The following CDIP1 variants were observed in gnomAD, a reference collection of about 807,000 sequenced individuals.
CDIP1 encodes the protein cell death inducing p53 target 1.
CDIP1 carries 9 observed loss-of-function variants against 17.7 expected under a neutral mutation model. That is an observed-to-expected ratio of 0.51 (90% confidence interval 0.31 to 0.89). The LOEUF is 0.89. Ranked by LOEUF, CDIP1 falls within the 40% of genes least tolerant of loss-of-function variation. The pLI, the probability that CDIP1 is intolerant of heterozygous loss-of-function variation, is 0.05. For synonymous variants in CDIP1, 117 were observed against 109.5 expected (o/e 1.07, Z -0.43); for missense variants, 263 against 277.9 (o/e 0.95, Z 0.38).
At chr16:4,528,491 A>G (rs1027096708) in intron 1 of CDIP1, among the ~76,000 whole-genome samples, 3 of 152,118 alleles carry the variant, frequency 2.0e-5, no homozygotes, top group Non-Finnish European at 4.4e-5. Flanking sequence ...TTTTAATGGT[A>G]GGCAGCACCT....
chr16:4,535,797 G>C (rs916010320), intron 1 of CDIP1, among the ~76,000 whole-genome samples: 2 of 152,254 alleles, frequency 1.3e-5, no homozygotes, highest in African/African-American at 4.8e-5. Flanking sequence ...GGGAGGTTCT[G>C]GCCCAGGCCC....
intron 1 of CDIP1, among the ~76,000 whole-genome samples, chr16:4,526,926 T>C (rs997072508): frequency 1.3e-5 from 2 of 151,848 alleles, no homozygotes; most frequent in African/African-American, 4.8e-5. Context: ...CACCTGACTC[T>C]CCAGTCTCAG....
rs577505994 is a variant in CDIP1 at position 4,510,694 on chromosome 16, A to G, written c.*1878T>C. 3 of 152,280 alleles carry G rather than the reference A, an allele frequency of 2.0e-5. No individual in the cohort carries two copies. Among genetic ancestry groups the G allele is most frequent in the South Asian group, 4.1e-4 (2 of 4,830 alleles). 9.4% of individuals were successfully genotyped at this position (152,280 alleles called of 1,614,324 possible). A position where few individuals can be genotyped will look rare whatever the true frequency, so the allele number is the denominator to read the frequency against. The stretch of plus-strand genomic sequence containing the variant: ...TTTGTATTTAAACAATTCATTCTCT[A>G]AAAGAGAAACATGAACTTAAATAAT... On this transcript the variant is annotated 3_prime_UTR_variant, in exon 6 of 6. Transcript: ENST00000567695.
rs2058893688 is a variant in CDIP1, at chr16:4,516,848, C to T, written c.-104-2184G>A. ...TCAGCCTCCCAAGTAGCTGAGACTA[C>T]AGGCACACGGCACCACGACTGGCTG... On this transcript the variant is annotated intron_variant, in intron 1 of 5. Transcript: ENST00000567695. 3.9e-5 allele frequency among the ~76,000 whole-genome samples: 6 copies of T among 151,932 alleles called. 1 individual carries two copies. In the South Asian group the frequency reaches 1.2e-3, roughly 32 times the overall value.
rs1049284489 is a variant in CDIP1 at position 4,521,303 on chromosome 16, C to G, written c.-104-6639G>C. On this transcript the variant is annotated intron_variant, in intron 1 of 5. Transcript: ENST00000567695. ...TTAAAACAGTTCTGATCCTAGCCCC[C>G]CGAGTGGTCTCAGGAAGCCCCCAGG... Among the ~76,000 whole-genome samples the G allele has an allele frequency of 2.0e-5, 3 of 152,220 alleles. No individual in the cohort carries two copies. In the East Asian group the frequency reaches 5.8e-4, roughly 29 times the overall value.
rs2058996195 is a variant in CDIP1, at chr16:4,526,032, T to C, written c.-104-11368A>G. On this transcript the variant is annotated intron_variant, in intron 1 of 5. Coordinates refer to ENST00000567695, the MANE Select transcript of CDIP1 (RefSeq NM_013399.3). ...GTCACAGAAAGGACCAGAAAACAGA[T>C]CTGGTTTTCCCATCTGCCAGCTCTC... Among the ~76,000 whole-genome samples the C allele has an allele frequency of 2.0e-5, 3 of 152,154 alleles. No individual in the cohort carries two copies. The South Asian group carries it at 6.2e-4, about 31-fold the overall frequency.
intron 1 of CDIP1, among the ~76,000 whole-genome samples, chr16:4,522,896 C>T (rs983304162): frequency 1.3e-5 from 2 of 152,222 alleles, no homozygotes; most frequent in African/African-American, 4.8e-5. Flanking sequence ...TGTGACATCT[C>T]CATCCAACAC....
Position 4,512,641 on chromosome 16 carries a change from G to A in CDIP1, c.558C>T (p.Asp186=). ...GGCATGTGTGCGTCACATCCTTGAA[G>A]TCATTGATGAGGCAGGGGATCAGGC... is the stretch of plus-strand genomic sequence containing the variant. ...GCCLIPCLIN[D]FKDVTHTCPS... is the part of the protein sequence containing the mutation. The change falls in exon 6 of 6, where the codon GAC becomes GAT. Residue 186 remains aspartate (D), a synonymous_variant. Coordinates refer to ENST00000567695, the MANE Select transcript of CDIP1 (RefSeq NM_013399.3). This position sits in a 1 kb window ranked among gnomAD's most constrained non-coding sequence, Gnocchi z 4.6. 6.2e-7 allele frequency: 1 copy of A among 1,614,046 alleles called. No homozygotes were observed. Among genetic ancestry groups the A allele is most frequent in the Non-Finnish European group, 8.5e-7 (1 of 1,179,940 alleles).
rs371513116 is a variant in CDIP1 at position 4,517,327 on chromosome 16, C to T, written c.-104-2663G>A. ...ACCTCTTCTGAGTTGCCTTATTATC[C>T]ACAGAAGACATGGAGGCCTAGAAAA... On this transcript the variant is annotated intron_variant, in intron 1 of 5. Transcript: ENST00000567695. Among the ~76,000 whole-genome samples the T allele has an allele frequency of 9.9e-4, 151 of 152,136 alleles. 4 individuals are homozygous for T. In the South Asian group the frequency reaches 0.03, roughly 30 times the overall value.
intron 1 of CDIP1, chr16:4,532,264 A>G (rs1256450435): frequency 1.3e-5 from 2 of 152,248 alleles, no homozygotes; most frequent in Non-Finnish European, 2.9e-5. Flanking sequence ...TGGACCACAC[A>G]CTATGCGTGA....
At position 4,513,105 on chromosome 16, in the gene CDIP1, T is replaced by C. The variant is rs2058850438; in HGVS notation, c.242-41A>G. On this transcript the variant is annotated intron_variant, in intron 4 of 5. Coordinates refer to ENST00000567695, the MANE Select transcript of CDIP1 (RefSeq NM_013399.3). This position sits in a 1 kb window ranked among gnomAD's most constrained non-coding sequence, Gnocchi z 4.1. ...AGATGGAGGCGAGAGGTCACTGGCC[T>C]GCCACCTGCACCAGACAAAGAGATT... The C allele has an allele frequency of 2.6e-6, 4 of 1,530,360 alleles. No homozygotes were observed. The highest frequency in any genetic ancestry group is 1.7e-6 in the Non-Finnish European group (2 of 1,145,822). The allele number at this position is 1,530,360 out of a possible 1,614,324, so 94.8% of individuals were successfully genotyped here.
At chr16:4,530,684 G>T (rs138245020) in intron 1 of CDIP1, among the ~76,000 whole-genome samples, 2 of 151,186 alleles carry the variant, frequency 1.3e-5, no homozygotes, top group African/African-American at 4.9e-5. Flanking sequence ...AACAGAAATA[G>T]TATACAGTAG....
chr16:4,535,215 T>A (rs530521985), intron 1 of CDIP1, among the ~76,000 whole-genome samples: 3 of 152,186 alleles, frequency 2.0e-5, no homozygotes, highest in Non-Finnish European at 2.9e-5. Flanking sequence ...TTAGCATTGA[T>A]TGAACAATTA....
chr16:4,513,125 G>A lies in CDIP1; in HGVS notation c.242-61C>T. 4.1e-6 allele frequency: 6 copies of A among 1,466,476 alleles called. No homozygotes were observed. The South Asian group carries it at 8.1e-5, about 20-fold the overall frequency. 90.8% of individuals were successfully genotyped at this position (1,466,476 alleles called of 1,614,324 possible). A position where few individuals can be genotyped will look rare whatever the true frequency, so the allele number is the denominator to read the frequency against. On this transcript the variant is annotated intron_variant, in intron 4 of 5. Transcript: ENST00000567695. This position sits in a 1 kb window ranked among gnomAD's most constrained non-coding sequence, Gnocchi z 4.1. ...TGGCCTGCCACCTGCACCAGACAAA[G>A]AGATTGGCGCAAAGCCCCACGGTCC...
rs1026618372 is a variant in CDIP1 at position 4,513,174 on chromosome 16, C to T, written c.242-110G>A. 1.3e-5 allele frequency: 15 copies of T among 1,139,868 alleles called. No homozygotes were observed. The highest frequency in any genetic ancestry group is 9.3e-5 in the African/African-American group (6 of 64,176). 70.6% of individuals were successfully genotyped at this position (1,139,868 alleles called of 1,614,324 possible). On this transcript the variant is annotated intron_variant, in intron 4 of 5. Coordinates refer to ENST00000567695, the MANE Select transcript of CDIP1 (RefSeq NM_013399.3). This position sits in a 1 kb window ranked among gnomAD's most constrained non-coding sequence, Gnocchi z 4.1. ...CCACAGCGCCCAGCGTGCAAGGCTACGCCTCAGACCTCCTACCGCCCTCCT... is the reference window on the plus strand; with the variant it reads ...CCACAGCGCCCAGCGTGCAAGGCTATGCCTCAGACCTCCTACCGCCCTCCT...
Position 4,513,788 on chromosome 16 carries a change from C to T in CDIP1, c.149G>A (p.Gly50Asp). 3.1e-6 allele frequency: 5 copies of T among 1,605,934 alleles called. No homozygotes were observed. The highest frequency in any genetic ancestry group is 4.3e-6 in the Non-Finnish European group (5 of 1,174,600). The change falls in exon 4 of 6, where the codon GGC becomes GAC. Residue 50 changes from glycine to aspartate, a missense_variant. Coordinates refer to ENST00000567695, the MANE Select transcript of CDIP1 (RefSeq NM_013399.3). The surrounding 1 kb of genome is among the most constrained non-coding windows in gnomAD (Gnocchi z 4.1). ...ACCCGGCGGCTCATAGGGTGGGGGG[C>T]CAATGTCCGCAGGGGGCAGTGGCAT... ...PGMPLPPADIGPPPYEPPGHP... is the reference protein window; with the variant it reads ...PGMPLPPADIDPPPYEPPGHP...
In CDIP1 at chr16:4,513,562, C is replaced by T. The variant is rs35956136; in HGVS notation, c.241+134G>A. ...TCCCTGTCCACACACAGCCTGAGCC[C>T]TAGGCAAGGGCTGGTTGGGCGTGTT... On this transcript the variant is annotated intron_variant, in intron 4 of 5. Transcript: ENST00000567695. The surrounding 1 kb of genome is among the most constrained non-coding windows in gnomAD (Gnocchi z 4.1). 1.3e-6 allele frequency: 1 copy of T among 762,460 alleles called. No individual in the cohort carries two copies. The allele number at this position is 762,460 out of a possible 1,614,324, so 47.2% of individuals were successfully genotyped here.
At chr16:4,534,288 G>A (rs2059083419) in intron 1 of CDIP1, among the ~76,000 whole-genome samples, 1 of 152,132 alleles carries the variant, frequency 6.6e-6, no homozygotes, top group African/African-American at 2.4e-5. Flanking sequence ...CCACTGCCCA[G>A]GGTGAGAACA....
At chr16:4,516,644 G>A (rs898851747) in intron 1 of CDIP1, among the ~76,000 whole-genome samples, 9 of 150,114 alleles carry the variant, frequency 6.0e-5, no homozygotes, top group Non-Finnish European at 1.0e-4. Flanking sequence ...AGGAGCAACT[G>A]CGCCCAGCCC....
Sources: gnomAD v4.1 joint callset for allele counts (sites outside exome capture counted in the v4.1 genomes callset) on GRCh38, gnomAD v4.1.1 for gene constraint, Gnocchi (gnomAD v3.1) non-coding constraint, MANE v1.5 for transcripts, NCBI Gene and HGNC (gene_info 2026-07-23, HGNC 2026-07-21) for gene names.